Variants in PRKCB observed in about 807,000 individuals in gnomAD.
The protein encoded by PRKCB is protein kinase C beta type.
In PRKCB, 13 loss-of-function variants were observed where a neutral mutation model predicts 81.5. The observed-to-expected ratio is 0.16, with a 90% confidence interval of 0.10 to 0.25. PRKCB has a LOEUF of 0.25. Ranked by LOEUF, PRKCB falls within the 10% of genes least tolerant of loss-of-function variation. PRKCB has a pLI of 1.00. For synonymous variants in PRKCB, 335 were observed against 321.4 expected (o/e 1.04, Z -0.45); for missense variants, 509 against 875.7 (o/e 0.58, Z 5.29).
chr16:24,201,771 C>T (rs1032288722), intron 16 of PRKCB, among the ~76,000 whole-genome samples: 3 of 152,220 alleles, frequency 2.0e-5, no homozygotes, highest in Non-Finnish European at 2.9e-5. Flanking sequence ...TGTGGTGGCT[C>T]ACGCCTATAA....
intron 2 of PRKCB, among the ~76,000 whole-genome samples, chr16:23,933,629 TATCC>T (rs57745059): frequency 0.012 from 1,651 of 135,628 alleles, 7 homozygotes; most frequent in African/African-American, 0.015. Flanking sequence ...TGTGAACTGA[TATCC>T]ATCCATCCAT....
At chr16:23,953,964 G>C (rs1198978733) in intron 2 of PRKCB, among the ~76,000 whole-genome samples, 1 of 151,614 alleles carries the variant, frequency 6.6e-6, no homozygotes, top group African/African-American at 2.4e-5. Flanking sequence ...TGCCTCCCGG[G>C]TTCAAGCGAT....
chr16:23,898,090 G>A (rs865779119), intron 2 of PRKCB, among the ~76,000 whole-genome samples: 1 of 146,248 alleles, frequency 6.8e-6, no homozygotes, highest in Non-Finnish European at 1.5e-5. Context: ...TTTTGAGACA[G>A]AGTCTTGCTC....
At chr16:23,885,550 A>G (rs1007659701) in intron 2 of PRKCB, among the ~76,000 whole-genome samples, 6 of 152,044 alleles carry the variant, frequency 3.9e-5, no homozygotes, top group African/African-American at 1.4e-4. Flanking sequence ...CTAGTGATCT[A>G]CCTGCCTTGG....
intron 7 of PRKCB, 118 bp downstream of exon 7, chr16:24,094,415 T>A (rs1966413849): frequency 7.5e-7 from 1 of 1,333,308 alleles, no homozygotes; most frequent in Non-Finnish European, 1.0e-6. Flanking sequence ...CAAAGTGAAG[T>A]CTGGTTGATT....
In PRKCB at chr16:24,216,253, G is replaced by A. The variant is rs552204624; in HGVS notation, c.*1437G>A. ...ATACTGGAGCCCAAAGTCAAGTTTAGAGACCAGCTGGGAACGTGAATGGGG... is the reference window on the plus strand; with the variant it reads ...ATACTGGAGCCCAAAGTCAAGTTTAAAGACCAGCTGGGAACGTGAATGGGG... On this transcript the variant is annotated 3_prime_UTR_variant, in exon 17 of 17. Transcript: ENST00000643927. The A allele has an allele frequency of 7.1e-6, 7 of 985,448 alleles. No homozygotes were observed. The highest frequency in any genetic ancestry group is 9.4e-5 in the South Asian group (2 of 21,282). 61.0% of individuals were successfully genotyped at this position (985,448 alleles called of 1,614,324 possible).
intron 2 of PRKCB, among the ~76,000 whole-genome samples, chr16:23,982,864 C>T (rs1388770036): frequency 6.6e-6 from 1 of 152,124 alleles, no homozygotes; most frequent in Non-Finnish European, 1.5e-5. Flanking sequence ...AGTCCCCTAC[C>T]TGGCCGTCAG....
Position 24,081,457 on chromosome 16 carries a change from A to G in PRKCB, c.530-11334A>G, listed in dbSNP as rs1017537451. ...AGTATCTACCAAAAACCTGTAACAT[A>G]CTTAATGATGAAAAACTGCATGCTT... On this transcript the variant is annotated intron_variant, in intron 5 of 16. Transcript: ENST00000643927. Among the ~76,000 whole-genome samples, 4 of 152,234 alleles carry G rather than the reference A, an allele frequency of 2.6e-5. No individual in the cohort carries two copies. The East Asian group carries it at 7.7e-4, about 29-fold the overall frequency.
chr16:24,049,646 G>A (rs1440562955), intron 5 of PRKCB, among the ~76,000 whole-genome samples: 1 of 152,078 alleles, frequency 6.6e-6, no homozygotes, highest in Non-Finnish European at 1.5e-5. Flanking sequence ...GTGGCCCAGG[G>A]AACATCTAGA....
intron 16 of PRKCB, among the ~76,000 whole-genome samples, chr16:24,205,035 G>T (rs1403813872): frequency 1.3e-5 from 2 of 151,736 alleles, no homozygotes; most frequent in East Asian, 2.0e-4. Context: ...CAGGAGAATC[G>T]CTTGAACCCG....
chr16:23,944,345 G>A (rs1175922247), intron 2 of PRKCB, among the ~76,000 whole-genome samples: 1 of 152,128 alleles, frequency 6.6e-6, no homozygotes, highest in Non-Finnish European at 1.5e-5. Context: ...TCTGTAGGTT[G>A]TGTTTCTTTC....
intron 8 of PRKCB, among the ~76,000 whole-genome samples, chr16:24,117,494 T>C (rs1966748702): frequency 6.6e-6 from 1 of 152,218 alleles, no homozygotes; most frequent in Non-Finnish European, 1.5e-5. Flanking sequence ...TTGCAAATAT[T>C]AACTCAGGTA....
At chr16:24,087,640 C>T (rs1347840335) in intron 5 of PRKCB, among the ~76,000 whole-genome samples, 1 of 152,148 alleles carries the variant, frequency 6.6e-6, no homozygotes, top group African/African-American at 2.4e-5. Flanking sequence ...TCCTGATTCA[C>T]ATAATGTGGG....
At chr16:24,211,437 T>C (rs1968136517) in intron 16 of PRKCB, among the ~76,000 whole-genome samples, 1 of 152,104 alleles carries the variant, frequency 6.6e-6, no homozygotes, top group African/African-American at 2.4e-5. Context: ...CCCAGTGTGA[T>C]AGGAATTAAA....
At chr16:23,977,915 C>G (rs1341897156) in intron 2 of PRKCB, among the ~76,000 whole-genome samples, 3 of 152,030 alleles carry the variant, frequency 2.0e-5, no homozygotes, top group African/African-American at 7.2e-5. Context: ...TGGGAGAGAC[C>G]AGAAGAGCTC....
intron 5 of PRKCB, among the ~76,000 whole-genome samples, chr16:24,061,786 T>C (rs1965975459): frequency 1.3e-5 from 2 of 151,700 alleles, no homozygotes; most frequent in African/African-American, 4.8e-5. Context: ...AGAAAAGCAC[T>C]CTATACACTG....
intron 7 of PRKCB, among the ~76,000 whole-genome samples, chr16:24,106,406 A>G (rs1966579032): frequency 6.6e-6 from 1 of 152,204 alleles, no homozygotes; most frequent in Admixed American, 6.5e-5. Context: ...CAGAGACCCC[A>G]GATTCCCAGT....
In PRKCB at chr16:23,864,721, A is replaced by T. The variant is rs182400715; in HGVS notation, c.205+27315A>T. On this transcript the variant is annotated intron_variant, in intron 2 of 16. Transcript: ENST00000643927. ...GCTTCTCACGACCAGGGCCTCTGAG[A>T]TTTCTTTTTTTGTTTTTTTTAAATT... Among the ~76,000 whole-genome samples, 573 of 146,826 alleles carry T rather than the reference A, an allele frequency of 3.9e-3. 2 individuals are homozygous for T. Among genetic ancestry groups the T allele is most frequent in the Middle Eastern group, 7.2e-3 (2 of 278 alleles).
intron 2 of PRKCB, among the ~76,000 whole-genome samples, chr16:23,912,356 A>G (rs1223640814): frequency 2.0e-5 from 3 of 151,942 alleles, no homozygotes; most frequent in African/African-American, 7.3e-5. Flanking sequence ...TCAATGGTGA[A>G]CAGCTGCTGA....
Sources: allele counts gnomAD v4.1 joint callset (sites outside exome capture counted in the v4.1 genomes callset), GRCh38; gene constraint gnomAD v4.1.1; transcripts MANE v1.5; gene names NCBI Gene and HGNC (gene_info 2026-07-23, HGNC 2026-07-21).